Variants in FSTL4 observed in about 807,000 individuals in gnomAD.
FSTL4 encodes follistatin like 4, also known as follistatin-related protein 4.
In FSTL4, 28 loss-of-function variants were observed where a neutral mutation model predicts 78.2. The observed-to-expected ratio is 0.36, with a 90% CI of 0.27 to 0.49. The LOEUF (loss-of-function observed/expected upper bound fraction) is 0.49, where lower values mean the gene tolerates loss of function less well. Ranked by LOEUF, FSTL4 falls within the 20% of genes least tolerant of loss-of-function variation. The probability of loss-of-function intolerance (pLI) is 0.98; values close to 1 mark genes in which losing one functional copy is unlikely to be tolerated. For missense variants in FSTL4, 922 were observed against 1,084.9 expected, an observed-to-expected ratio of 0.85 and a Z score of 2.11; for synonymous variants, 422 against 440.5, an observed-to-expected ratio of 0.96 and a Z score of 0.53.
the FSTL4 span, among the ~76,000 whole-genome samples, chr5:133,770,805 C>T: frequency 6.6e-6 from 1 of 151,978 alleles, no homozygotes; most frequent in Non-Finnish European, 1.5e-5. Flanking sequence ...TTTGCCTAGG[C>T]CAATGTCCAG....
chr5:133,615,691 C>T (rs2112991152), upstream of FSTL4, among the ~76,000 whole-genome samples: 1 of 152,224 alleles, frequency 6.6e-6, no homozygotes, highest in Admixed American at 6.5e-5. Flanking sequence ...CATTAATCAC[C>T]TAGAAATTAA....
chr5:133,706,994 C>G, the FSTL4 span, among the ~76,000 whole-genome samples: 1 of 152,328 alleles, frequency 6.6e-6, no homozygotes, highest in Non-Finnish European at 1.5e-5. Context: ...ACTGCATCAT[C>G]ATGAGGTCAT....
At chr5:133,320,206 C>T (rs1479798427) in intron 4 of FSTL4, among the ~76,000 whole-genome samples, 1 of 152,226 alleles carries the variant, frequency 6.6e-6, no homozygotes, top group Non-Finnish European at 1.5e-5. Context: ...CCAGCTCAGT[C>T]TCCCTGGATA....
At chr5:133,670,009 T>A in the FSTL4 span, among the ~76,000 whole-genome samples, 3 of 151,920 alleles carry the variant, frequency 2.0e-5, no homozygotes, top group Non-Finnish European at 4.4e-5. Flanking sequence ...CTCACCACAT[T>A]CCCTCAAGAC....
At chr5:133,780,221 G>A in the FSTL4 span, among the ~76,000 whole-genome samples, 1 of 152,180 alleles carries the variant, frequency 6.6e-6, no homozygotes, top group Admixed American at 6.5e-5. Flanking sequence ...AGCCGCAGAT[G>A]TGGGCACTGG....
chr5:133,249,640 G>T (rs1192197515), intron 6 of FSTL4, 64 bp from the exon 7 acceptor site: 43 of 1,333,322 alleles, frequency 3.2e-5, no homozygotes, highest in Non-Finnish European at 4.5e-5. Context: ...TCAACTCAAG[G>T]TGAATAGCCA....
At chr5:133,767,129 G>C in the FSTL4 span, among the ~76,000 whole-genome samples, 1 of 152,204 alleles carries the variant, frequency 6.6e-6, no homozygotes, top group Non-Finnish European at 1.5e-5. Flanking sequence ...GGTAACTCCT[G>C]AAGGCTACCA....
intron 4 of FSTL4, among the ~76,000 whole-genome samples, chr5:133,389,354 T>C (rs191143217): frequency 6.6e-6 from 1 of 152,300 alleles, no homozygotes; most frequent in Admixed American, 6.5e-5. Flanking sequence ...CACGACATAT[T>C]GCATCTGGAG....
intron 6 of FSTL4, among the ~76,000 whole-genome samples, chr5:133,306,543 C>G (rs1317066392): frequency 6.6e-6 from 1 of 152,232 alleles, no homozygotes. Context: ...GATGTCCAGG[C>G]TGGGGATGTC....
chr5:133,656,975 G>A, the FSTL4 span, among the ~76,000 whole-genome samples: 1 of 152,150 alleles, frequency 6.6e-6, no homozygotes, highest in Non-Finnish European at 1.5e-5. Context: ...TGATGGAATG[G>A]TCAGGGGTTA....
At chr5:133,351,569 A>G (rs1315156630) in intron 4 of FSTL4, among the ~76,000 whole-genome samples, 2 of 151,610 alleles carry the variant, frequency 1.3e-5, no homozygotes, top group African/African-American at 2.4e-5. Flanking sequence ...CTGTCTTCCA[A>G]ATTTTTAATT....
chr5:133,406,794 C>T (rs894096888), intron 3 of FSTL4, among the ~76,000 whole-genome samples: 1 of 152,226 alleles, frequency 6.6e-6, no homozygotes, highest in Non-Finnish European at 1.5e-5. Context: ...CTCCTTAAAG[C>T]TCTATTAAGT....
At chr5:133,221,905 T>TGTTTTTTTG (rs1561626744) in intron 11 of FSTL4, among the ~76,000 whole-genome samples, 1 of 64,646 alleles carries the variant, frequency 1.5e-5, no homozygotes, top group African/African-American at 7.5e-5. Context: ...TTTTTTTTTT[T>TGTTTTTTTG]TTTTTTTTTT....
chr5:133,286,469 T>C (rs1049261270), intron 6 of FSTL4, among the ~76,000 whole-genome samples: 3 of 152,212 alleles, frequency 2.0e-5, no homozygotes, highest in Non-Finnish European at 4.4e-5. Flanking sequence ...GTTTTTGATG[T>C]ACATCCACCC....
At chr5:133,480,601 G>C (rs1050354485) in intron 3 of FSTL4, among the ~76,000 whole-genome samples, 1 of 152,004 alleles carries the variant, frequency 6.6e-6, no homozygotes, top group Non-Finnish European at 1.5e-5. Flanking sequence ...TGTGGGCCCA[G>C]CTCCTGGAGA....
At chr5:133,534,835 C>G (rs2112912434) in intron 3 of FSTL4, among the ~76,000 whole-genome samples, 1 of 152,290 alleles carries the variant, frequency 6.6e-6, no homozygotes, top group South Asian at 2.1e-4. Flanking sequence ...CTCCCAGCTT[C>G]TCTGCAACTC....
At chr5:133,596,574 G>A (rs1382885784) in intron 2 of FSTL4, among the ~76,000 whole-genome samples, 1 of 152,188 alleles carries the variant, frequency 6.6e-6, no homozygotes, top group African/African-American at 2.4e-5. Context: ...GAAGGGTTTC[G>A]ATTTGCACCC....
chr5:133,712,217 G>C, the FSTL4 span, among the ~76,000 whole-genome samples: 1 of 152,188 alleles, frequency 6.6e-6, no homozygotes, highest in African/African-American at 2.4e-5. Flanking sequence ...TGGATGTGGG[G>C]AGCATAATTC....
the FSTL4 span, among the ~76,000 whole-genome samples, chr5:133,655,007 A>C: frequency 1.3e-5 from 2 of 152,180 alleles, no homozygotes; most frequent in Non-Finnish European, 2.9e-5. Context: ...TAAGCTGCAG[A>C]CCAGAATATC....
Sources: allele counts gnomAD v4.1 joint callset (sites outside exome capture counted in the v4.1 genomes callset), GRCh38; gene constraint gnomAD v4.1.1; transcripts MANE v1.5; gene names NCBI Gene and HGNC (gene_info 2026-07-23, HGNC 2026-07-21).